Variants in EMCN observed in about 807,000 individuals in gnomAD.
The protein encoded by EMCN is MUC-14.
A neutral mutation model predicts 38.4 loss-of-function variants in EMCN; 37 were observed. The ratio of observed to expected loss-of-function variants is 0.96; its 90% CI spans 0.74 to 1.27. The LOEUF is 1.27. Among genes scored for constraint, EMCN ranks in the 50% most tolerant of loss-of-function variants. The probability of loss-of-function intolerance (pLI) is 0.00; values close to 1 mark genes in which losing one functional copy is unlikely to be tolerated. For missense variants in EMCN, 318 were observed against 302.8 expected, an observed-to-expected ratio of 1.05 and a Z score of -0.37; for synonymous variants, 95 against 100.8, an observed-to-expected ratio of 0.94 and a Z score of 0.35.
intron 1 of EMCN, among the ~76,000 whole-genome samples, chr4:100,490,257 C>A (rs1176065621): frequency 6.6e-6 from 1 of 150,642 alleles, no homozygotes; most frequent in Non-Finnish European, 1.5e-5. Flanking sequence ...TACAGCTGTG[C>A]AATGTGTTTG....
chr4:100,405,729 G>A (rs984958839), intron 11 of EMCN, among the ~76,000 whole-genome samples: 9 of 152,044 alleles, frequency 5.9e-5, no homozygotes, highest in Admixed American at 2.0e-4. Flanking sequence ...TCAGTGTGAT[G>A]TTAGCCACAT....
At position 100,426,506 on chromosome 4, in the gene EMCN, C is replaced by G. The variant is rs113603479; in HGVS notation, c.416-3102G>C. On this transcript the variant is annotated intron_variant, in intron 5 of 11. Coordinates refer to ENST00000296420, the MANE Select transcript of EMCN (RefSeq NM_016242.4). ...GGTGGCTCTTCTAGACTTTCCTTGT[C>G]CCCTCACAGGCATTTTTTCTCTCAT... 4.7e-3 allele frequency among the ~76,000 whole-genome samples: 721 copies of G among 152,196 alleles called. 10 individuals carry two copies. Among genetic ancestry groups the G allele is most frequent in the African/African-American group, 0.017 (688 of 41,534 alleles).
chr4:100,407,726 T>C (rs1470742040), intron 11 of EMCN, among the ~76,000 whole-genome samples: 1 of 152,176 alleles, frequency 6.6e-6, no homozygotes, highest in Non-Finnish European at 1.5e-5. Context: ...TTATATAGTA[T>C]CTTGCTGGGG....
chr4:100,499,202 T>C (rs1404334684), intron 1 of EMCN, among the ~76,000 whole-genome samples: 1 of 152,210 alleles, frequency 6.6e-6, no homozygotes, highest in African/African-American at 2.4e-5. Context: ...CCCATTTATA[T>C]ATTTTGTTAA....
intron 1 of EMCN, among the ~76,000 whole-genome samples, chr4:100,502,854 T>C (rs1411713841): frequency 1.3e-5 from 2 of 152,174 alleles, no homozygotes; most frequent in African/African-American, 4.8e-5. Flanking sequence ...TTCTCTTTAT[T>C]TTTCCATGTA....
intron 11 of EMCN, among the ~76,000 whole-genome samples, chr4:100,408,793 C>T (rs1049466713): frequency 6.6e-6 from 1 of 152,142 alleles, no homozygotes; most frequent in African/African-American, 2.4e-5. Flanking sequence ...AGAGCCACTG[C>T]CAATTAGAAT....
intron 1 of EMCN, among the ~76,000 whole-genome samples, chr4:100,487,310 A>G (rs992287187): frequency 6.6e-6 from 1 of 152,198 alleles, no homozygotes; most frequent in African/African-American, 2.4e-5. Flanking sequence ...AGCTCAGCAC[A>G]TCCTTGTAGG....
chr4:100,415,654 C>T (rs1179968517), intron 10 of EMCN, among the ~76,000 whole-genome samples: 3 of 151,352 alleles, frequency 2.0e-5, no homozygotes, highest in African/African-American at 4.9e-5. Flanking sequence ...GGAAATGCCT[C>T]CAGCCATCTA....
At chr4:100,498,448 G>C (rs1296417455) in intron 1 of EMCN, among the ~76,000 whole-genome samples, 1 of 151,754 alleles carries the variant, frequency 6.6e-6, no homozygotes, top group Non-Finnish European at 1.5e-5. Context: ...AAATATCTCT[G>C]TCATGAAAGT....
intron 3 of EMCN, among the ~76,000 whole-genome samples, chr4:100,472,622 C>T (rs541744241): frequency 2.0e-5 from 3 of 152,140 alleles, no homozygotes; most frequent in South Asian, 4.1e-4. Flanking sequence ...TCAAAATTCA[C>T]ATTAAAATTA....
chr4:100,495,642 T>A (rs1729189015), intron 1 of EMCN, among the ~76,000 whole-genome samples: 1 of 152,092 alleles, frequency 6.6e-6, no homozygotes, highest in African/African-American at 2.4e-5. Flanking sequence ...CATATTATGA[T>A]CAATACGTAA....
At chr4:100,460,601 T>C (rs1728152432) in intron 4 of EMCN, among the ~76,000 whole-genome samples, 1 of 152,176 alleles carries the variant, frequency 6.6e-6, no homozygotes, top group Admixed American at 6.5e-5. Flanking sequence ...ACTTATTCAC[T>C]GTCACAAGAA....
chr4:100,468,537 C>T (rs1415180305), intron 3 of EMCN, among the ~76,000 whole-genome samples: 1 of 152,052 alleles, frequency 6.6e-6, no homozygotes, highest in Admixed American at 6.6e-5. Flanking sequence ...TGTCTGACCA[C>T]TTTGTCTTAA....
At position 100,467,024 on chromosome 4, in the gene EMCN, C is replaced by A. The variant is rs536936560; in HGVS notation, c.260-1485G>T. ...AGCTAAGAAAGATGTGGAGGGCTGC[C>A]AGATTGGAAATATGCAAAGAAAGGA... On this transcript the variant is annotated intron_variant, in intron 3 of 11. Coordinates refer to ENST00000296420, the MANE Select transcript of EMCN (RefSeq NM_016242.4). 1.1e-4 allele frequency among the ~76,000 whole-genome samples: 16 copies of A among 151,660 alleles called. No homozygotes were observed. In the South Asian group the frequency reaches 3.1e-3, roughly 30 times the overall value.
In EMCN at chr4:100,517,940, T is replaced by C; in HGVS notation, c.-26A>G. ...GGTGCCCGTAGATGGTGTCAATATC[T>C]TCTTTCTCCAGAAGCAGGCAGGGAC... is the stretch of plus-strand genomic sequence containing the variant. On this transcript the variant is annotated 5_prime_UTR_variant, in exon 1 of 12. Coordinates refer to ENST00000296420, the MANE Select transcript of EMCN (RefSeq NM_016242.4). 6.2e-7 allele frequency: 1 copy of C among 1,611,096 alleles called. No homozygotes were observed. Among genetic ancestry groups the C allele is most frequent in the Non-Finnish European group, 8.5e-7 (1 of 1,177,706 alleles).
intron 5 of EMCN, among the ~76,000 whole-genome samples, chr4:100,440,673 T>C (rs1426393707): frequency 6.6e-6 from 1 of 152,090 alleles, no homozygotes; most frequent in Non-Finnish European, 1.5e-5. Context: ...CATTAATCAA[T>C]GGGTACTTAG....
intron 4 of EMCN, among the ~76,000 whole-genome samples, chr4:100,452,728 A>G (rs1027565659): frequency 6.6e-6 from 1 of 152,000 alleles, no homozygotes; most frequent in African/African-American, 2.4e-5. Flanking sequence ...TTCTATCCTC[A>G]TAAACCAAGA....
At chr4:100,459,396 C>T (rs892457881) in intron 4 of EMCN, among the ~76,000 whole-genome samples, 8 of 152,070 alleles carry the variant, frequency 5.3e-5, no homozygotes, top group Non-Finnish European at 1.0e-4. Context: ...TATGATCTCA[C>T]ATACTTATTA....
At chr4:100,468,458 C>T (rs980139894) in intron 3 of EMCN, among the ~76,000 whole-genome samples, 1 of 152,108 alleles carries the variant, frequency 6.6e-6, no homozygotes, top group Non-Finnish European at 1.5e-5. Flanking sequence ...GGGAGATTGG[C>T]AGCTTTATTC....
Sources: gnomAD v4.1 joint callset for allele counts (sites outside exome capture counted in the v4.1 genomes callset) on GRCh38, gnomAD v4.1.1 for gene constraint, MANE v1.5 for transcripts, NCBI Gene and HGNC (gene_info 2026-07-23, HGNC 2026-07-21) for gene names.